ERBB4: variants seen among roughly 807,000 people sequenced by gnomAD.
ERBB4 encodes erb-b2 receptor tyrosine kinase 4, also known as receptor tyrosine-protein kinase erbB-4.
ERBB4 carries 42 observed loss-of-function variants against 158.0 expected under a neutral mutation model. The observed-to-expected ratio is 0.27, with a 90% CI of 0.21 to 0.34. ERBB4 has a LOEUF of 0.34. Ranked by LOEUF, ERBB4 falls within the 10% of genes least tolerant of loss-of-function variation. ERBB4 has a pLI of 1.00. For synonymous variants in ERBB4, 583 were observed against 558.7 expected, an observed-to-expected ratio of 1.04 and a Z score of -0.61; for missense variants, 1,333 against 1,624.1, an observed-to-expected ratio of 0.82 and a Z score of 3.08.
intron 20 of ERBB4, among the ~76,000 whole-genome samples, chr2:211,431,364 G>A (rs2063745232): frequency 1.3e-5 from 2 of 152,110 alleles, no homozygotes; most frequent in Admixed American, 1.3e-4. Context: ...TTTTCCAAGT[G>A]ACTTGATATC....
chr2:211,799,498 G>A (rs1332573343), intron 3 of ERBB4, among the ~76,000 whole-genome samples: 3 of 152,152 alleles, frequency 2.0e-5, no homozygotes, highest in African/African-American at 7.2e-5. Flanking sequence ...CACTCAAGAT[G>A]CCAACATTCA....
intron 1 of ERBB4, among the ~76,000 whole-genome samples, chr2:212,245,455 A>G (rs2084272162): frequency 6.6e-6 from 1 of 152,202 alleles, no homozygotes; most frequent in Non-Finnish European, 1.5e-5. Flanking sequence ...TAACTCAAAC[A>G]GTTCTCTATG....
At chr2:212,324,857 C>T (rs1471588459) in intron 1 of ERBB4, among the ~76,000 whole-genome samples, 1 of 112,814 alleles carries the variant, frequency 8.9e-6, no homozygotes, top group African/African-American at 2.9e-5. Context: ...ATATCCAATT[C>T]CTAATATTCA....
chr2:211,630,676 G>T (rs2070083155), intron 16 of ERBB4, 82 bp from the exon 17 acceptor site: 1 of 1,222,630 alleles, frequency 8.2e-7, no homozygotes, highest in Non-Finnish European at 1.2e-6. Context: ...AGTTGTACAA[G>T]ACATTATCCA....
chr2:211,992,564 A>AGG (rs770115021), intron 2 of ERBB4, among the ~76,000 whole-genome samples: 3 of 68,182 alleles, frequency 4.4e-5, no homozygotes, highest in Admixed American at 1.6e-4. Context: ...AGAGAGAGAG[A>AGG]GAGAAAAAAA....
chr2:212,066,138 G>A (rs1028357355), intron 2 of ERBB4, among the ~76,000 whole-genome samples: 2 of 151,834 alleles, frequency 1.3e-5, no homozygotes, highest in East Asian at 1.9e-4. Flanking sequence ...ATTAGGCCTC[G>A]AAAGACTCTT....
At chr2:211,580,064 T>A (rs2068020812) in intron 19 of ERBB4, among the ~76,000 whole-genome samples, 1 of 152,208 alleles carries the variant, frequency 6.6e-6, no homozygotes, top group African/African-American at 2.4e-5. Context: ...GACCCTTAAT[T>A]GGAAACTGTT....
chr2:212,512,057 C>T (rs558712171), intron 1 of ERBB4, among the ~76,000 whole-genome samples: 2 of 152,266 alleles, frequency 1.3e-5, no homozygotes, highest in African/African-American at 4.8e-5. Context: ...ATTTTCACTA[C>T]TGAACTGGCA....
intron 3 of ERBB4, among the ~76,000 whole-genome samples, chr2:211,947,189 C>T (rs1288027915): frequency 2.6e-5 from 4 of 152,102 alleles, no homozygotes; most frequent in Non-Finnish European, 5.9e-5. Flanking sequence ...AGAGCATTTC[C>T]AGAGTTTACT....
Position 211,587,660 on chromosome 2 carries a change from G to C in ERBB4, c.2302-25572C>G, listed in dbSNP as rs2068327317. Among the ~76,000 whole-genome samples the C allele has an allele frequency of 2.0e-5, 3 of 152,028 alleles. No homozygotes were observed. The South Asian group carries it at 6.2e-4, about 32-fold the overall frequency. On this transcript the variant is annotated intron_variant, in intron 19 of 27. Coordinates refer to ENST00000342788, the MANE Select transcript of ERBB4 (RefSeq NM_005235.3). ...TTTTAAGGGAAAAAAAAAAAGTACA[G>C]TGAATATCATTTGTCACTTTTTAAA...
chr2:211,770,436 T>C (rs1358216009), intron 4 of ERBB4, among the ~76,000 whole-genome samples: 1 of 152,166 alleles, frequency 6.6e-6, no homozygotes, highest in Non-Finnish European at 1.5e-5. Context: ...CGAAGAAAAG[T>C]TAATTATTCA....
At position 212,402,621 on chromosome 2, in the gene ERBB4, C is replaced by A. The variant is rs2091239999; in HGVS notation, c.82+135828G>T. On this transcript the variant is annotated intron_variant, in intron 1 of 27. Coordinates refer to ENST00000342788, the MANE Select transcript of ERBB4 (RefSeq NM_005235.3). ...AACTGAGCAAAATGTACAAGGGCTT[C>A]TGTGTATTATTTATTACAACTGCAT... Among the ~76,000 whole-genome samples, 4 of 152,102 alleles carry A rather than the reference C, an allele frequency of 2.6e-5. No individual in the cohort carries two copies. The East Asian group carries it at 5.8e-4, about 22-fold the overall frequency.
At chr2:212,345,102 A>G (rs1404245319) in intron 1 of ERBB4, among the ~76,000 whole-genome samples, 2 of 151,564 alleles carry the variant, frequency 1.3e-5, no homozygotes, top group African/African-American at 2.4e-5. Flanking sequence ...CGTCTCTACT[A>G]AAAATACAAA....
intron 20 of ERBB4, among the ~76,000 whole-genome samples, chr2:211,460,332 C>T (rs1225713292): frequency 6.6e-6 from 1 of 152,062 alleles, no homozygotes; most frequent in Non-Finnish European, 1.5e-5. Context: ...CTTTGTAAAA[C>T]TTCAGTATTA....
At chr2:211,420,884 G>T (rs1358377124) in intron 24 of ERBB4, among the ~76,000 whole-genome samples, 1 of 151,868 alleles carries the variant, frequency 6.6e-6, no homozygotes, top group Non-Finnish European at 1.5e-5. Flanking sequence ...TTTTTAGGGA[G>T]GTAAAATCAA....
intron 12 of ERBB4, among the ~76,000 whole-genome samples, chr2:211,688,367 C>T (rs1851192): frequency 0.095 from 14,509 of 152,156 alleles, 2,082 homozygotes; most frequent in African/African-American, 0.32. Context: ...TCTTCTCAAC[C>T]TGGAGTTCTT....
chr2:211,930,045 T>C (rs1028536930), intron 3 of ERBB4, among the ~76,000 whole-genome samples: 2 of 152,184 alleles, frequency 1.3e-5, no homozygotes, highest in Non-Finnish European at 2.9e-5. Context: ...TTGACATGTA[T>C]GGATTTATTA....
rs544825238 is a variant in ERBB4, at chr2:212,291,919, G to A, written c.83-167016C>T. ...GGGAAGAAAAGAAATTTCAGAAAAA[G>A]GAACAGTTTGTAGTTTGTGGACTGT... is the stretch of plus-strand genomic sequence containing the variant. On this transcript the variant is annotated intron_variant, in intron 1 of 27. Transcript: ENST00000342788. Among the ~76,000 whole-genome samples, 142 of 151,968 alleles carry A rather than the reference G, an allele frequency of 9.3e-4. No homozygotes were observed. The South Asian group carries it at 0.028, about 30-fold the overall frequency.
intron 1 of ERBB4, among the ~76,000 whole-genome samples, chr2:212,527,205 A>G (rs1692493327): frequency 6.6e-6 from 1 of 152,148 alleles, no homozygotes; most frequent in Non-Finnish European, 1.5e-5. Context: ...AAATAGATAT[A>G]TACCTGGATT....
Sources: allele counts gnomAD v4.1 joint callset (sites outside exome capture counted in the v4.1 genomes callset), GRCh38; gene constraint gnomAD v4.1.1; transcripts MANE v1.5; gene names NCBI Gene and HGNC (gene_info 2026-07-23, HGNC 2026-07-21).